Variants in STAMBP observed in about 807,000 individuals in gnomAD.
The protein encoded by STAMBP is STAM binding protein.
A neutral mutation model predicts 50.7 loss-of-function variants in STAMBP; 31 were observed. The ratio of observed to expected loss-of-function variants is 0.61; its 90% CI spans 0.46 to 0.83. STAMBP has a LOEUF of 0.83. Among genes scored for constraint, STAMBP ranks in the 40% least tolerant of loss-of-function variants. The probability of loss-of-function intolerance (pLI) is 0.00; values close to 1 mark genes in which losing one functional copy is unlikely to be tolerated. For synonymous variants in STAMBP, 211 were observed against 192.4 expected, an observed-to-expected ratio of 1.10 and a Z score of -0.80; for missense variants, 472 against 518.9, an observed-to-expected ratio of 0.91 and a Z score of 0.88.
chr2:73,862,424 CTG>C lies in STAMBP; in HGVS notation c.*166_*167del, dbSNP rs1678443163. On this transcript the variant is annotated 3_prime_UTR_variant, in exon 10 of 10. Transcript: ENST00000394070. ...GTATTTCAGGTTTGAAAAGAAATAA[CTG>C]AACATATTTTTTAGGCAAGTCAGAA... The C allele has an allele frequency of 4.0e-6, 2 of 496,294 alleles. No homozygotes were observed. Among genetic ancestry groups the C allele is most frequent in the Admixed American group, 4.0e-5 (1 of 24,822 alleles). 30.7% of individuals were successfully genotyped at this position (496,294 alleles called of 1,614,324 possible).
At chr2:73,843,734 T>G (rs369881760) in intron 2 of STAMBP, among the ~76,000 whole-genome samples, 117 of 152,368 alleles carry the variant, frequency 7.7e-4, no homozygotes, top group African/African-American at 2.6e-3. Context: ...AAGTTTGTTT[T>G]GGTGGGGATC....
chr2:73,859,711 ATAT>A lies in STAMBP; in HGVS notation c.1119-340_1119-338del, dbSNP rs1558594536. ...AAAATAAAAAATAAAAAATAAAAAA[ATAT>A]AATAAAAAAATAAAAATAAAAAATA... On this transcript the variant is annotated intron_variant, in intron 8 of 9. Transcript: ENST00000394070. Among the ~76,000 whole-genome samples the A allele has an allele frequency of 5.5e-3, 739 of 133,486 alleles. 5 individuals carry two copies. The highest frequency in any genetic ancestry group is 0.022 in the African/African-American group (693 of 31,320). 87.6% of individuals were successfully genotyped at this position (133,486 alleles called of 152,430 possible).
At chr2:73,869,459 T>C (rs1210624858), downstream of STAMBP, among the ~76,000 whole-genome samples, 1 of 152,232 alleles carries the variant, frequency 6.6e-6, no homozygotes, top group Non-Finnish European at 1.5e-5. Flanking sequence ...ACGTCTTCTT[T>C]AATCCAAAAA....
At chr2:73,839,027 C>G (rs1387734067) in intron 2 of STAMBP, among the ~76,000 whole-genome samples, 1 of 152,188 alleles carries the variant, frequency 6.6e-6, no homozygotes, top group Non-Finnish European at 1.5e-5. Flanking sequence ...GCAGTTACTA[C>G]AACCGAGGAG....
chr2:73,843,102 T>A (rs1015457576), intron 2 of STAMBP, among the ~76,000 whole-genome samples: 6 of 152,102 alleles, frequency 3.9e-5, no homozygotes, highest in African/African-American at 1.4e-4. Flanking sequence ...CTTATTTATC[T>A]TAATAGATTC....
intron 2 of STAMBP, among the ~76,000 whole-genome samples, chr2:73,840,451 T>C (rs908935742): frequency 1.3e-5 from 2 of 151,954 alleles, no homozygotes; most frequent in African/African-American, 4.8e-5. Context: ...TTAAAGGATA[T>C]ACACATTTTA....
chr2:73,848,988 C>G (rs541099311), intron 5 of STAMBP, among the ~76,000 whole-genome samples: 2 of 151,982 alleles, frequency 1.3e-5, no homozygotes, highest in Non-Finnish European at 2.9e-5. Context: ...ATGAAATAAG[C>G]ACATCATGGA....
chr2:73,859,270 C>G lies in STAMBP; in HGVS notation c.1022C>G (p.Thr341Ser). 6.2e-7 allele frequency: 1 copy of G among 1,613,754 alleles called. No individual in the cohort carries two copies. The highest frequency in any genetic ancestry group is 8.5e-7 in the Non-Finnish European group (1 of 1,179,882). The change falls in exon 8 of 10, where the codon ACC (threonine) becomes AGC (serine). Residue 341 changes from threonine (T) to serine (S), a missense_variant. Transcript: ENST00000394070. Reference sequence around the variant, plus strand: ...TCTCCTCAGACTCACCCCACACAGACCGCGTTTCTCTCCAGTGTCGACCTA... The same window carrying G: ...TCTCCTCAGACTCACCCCACACAGAGCGCGTTTCTCTCCAGTGTCGACCTA... ...LGWIHTHPTQTAFLSSVDLHT... is the reference protein window; with the variant it reads ...LGWIHTHPTQSAFLSSVDLHT...
intron 2 of STAMBP, among the ~76,000 whole-genome samples, chr2:73,840,688 G>C (rs1469098269): frequency 6.7e-6 from 1 of 150,356 alleles, no homozygotes; most frequent in Non-Finnish European, 1.5e-5. Flanking sequence ...AGGTTGCAGT[G>C]AGCCGAGACT....
Position 73,859,725 on chromosome 2 carries a change from T to TAAAAAAA in STAMBP, c.1119-322_1119-321insAAAAAAA, listed in dbSNP as rs3043575. Among the ~76,000 whole-genome samples, 951 of 149,850 alleles carry TAAAAAAA rather than the reference T, an allele frequency of 6.3e-3. 7 individuals carry two copies. Among genetic ancestry groups the TAAAAAAA allele is most frequent in the African/African-American group, 0.022 (893 of 40,786 alleles). ...AAAATAAAAAAATATAATAAAAAAA[T>TAAAAAAA]AAAAATAAAAAATAAGAAAGTTTCA... On this transcript the variant is annotated intron_variant, in intron 8 of 9. Transcript: ENST00000394070.
Position 73,859,266 on chromosome 2 carries a change from C to T in STAMBP, c.1018C>T (p.Gln340Ter). The T allele has an allele frequency of 6.2e-7, 1 of 1,613,774 alleles. No individual in the cohort carries two copies. The highest frequency in any genetic ancestry group is 2.2e-5 in the East Asian group (1 of 44,832). Reference sequence around the variant, plus strand: ...TTTCTCTCCTCAGACTCACCCCACACAGACCGCGTTTCTCTCCAGTGTCGA... The same window carrying T: ...TTTCTCTCCTCAGACTCACCCCACATAGACCGCGTTTCTCTCCAGTGTCGA... The part of the protein sequence containing the change: ...TLGWIHTHPT[Q>*]TAFLSSVDLH... The change falls in exon 8 of 10, where the codon CAG (glutamine) becomes TAG (stop). Residue 340 changes from glutamine (Q) to a stop codon, truncating the protein, a stop_gained. Coordinates refer to ENST00000394070, the MANE Select transcript of STAMBP (RefSeq NM_213622.4). LOFTEE classifies it high-confidence loss of function.
chr2:73,866,319 C>T lies in STAMBP; in HGVS notation c.*4060C>T, dbSNP rs1678883821. On this transcript the variant is annotated 3_prime_UTR_variant, in exon 10 of 10. Coordinates refer to ENST00000394070, the MANE Select transcript of STAMBP (RefSeq NM_213622.4). ...GTAGGTTCACTCTGAGGGCTTCCTTCCTTGAACTCCAGTGGCAACTATAGT... is the reference window on the plus strand; with the variant it reads ...GTAGGTTCACTCTGAGGGCTTCCTTTCTTGAACTCCAGTGGCAACTATAGT... 6.6e-6 allele frequency: 1 copy of T among 152,220 alleles called. No homozygotes were observed. The highest frequency in any genetic ancestry group is 1.5e-5 in the Non-Finnish European group (1 of 68,040). 9.4% of individuals were successfully genotyped at this position (152,220 alleles called of 1,614,324 possible).
intron 2 of STAMBP, among the ~76,000 whole-genome samples, chr2:73,841,605 G>C (rs1261611429): frequency 1.3e-5 from 2 of 152,146 alleles, no homozygotes; most frequent in African/African-American, 2.4e-5. Flanking sequence ...TCATTAGCTA[G>C]TTAGTGTTAG....
At chr2:73,861,686 ATT>A (rs954145238) in intron 9 of STAMBP, among the ~76,000 whole-genome samples, 40 of 126,612 alleles carry the variant, frequency 3.2e-4, no homozygotes, top group Non-Finnish European at 3.0e-4. Context: ...ACCGGGTTAA[ATT>A]TTTTTTTTTT....
At chr2:73,855,489 A>T (rs568611567) in intron 7 of STAMBP, 3 of 406,254 alleles carry the variant, frequency 7.4e-6, no homozygotes, top group East Asian at 7.1e-5. Flanking sequence ...GTCCCTGCTT[A>T]TGTCTCTTTA....
intron 7 of STAMBP, among the ~76,000 whole-genome samples, chr2:73,854,400 T>C (rs1221019710): frequency 1.3e-5 from 2 of 151,968 alleles, no homozygotes; most frequent in African/African-American, 4.8e-5. Context: ...AATAAAAGAG[T>C]TTTAAGTATC....
chr2:73,851,443 G>A (rs1167553472), intron 7 of STAMBP, among the ~76,000 whole-genome samples: 1 of 152,182 alleles, frequency 6.6e-6, no homozygotes, highest in Non-Finnish European at 1.5e-5. Context: ...GCCACAAGAG[G>A]TGCCAGCGAG....
intron 7 of STAMBP, among the ~76,000 whole-genome samples, chr2:73,852,568 G>A (rs554869154): frequency 1.3e-5 from 2 of 152,268 alleles, no homozygotes; most frequent in South Asian, 2.1e-4. Context: ...GCAACTTGGG[G>A]GACAGGCTAC....
At chr2:73,844,948 C>A in intron 3 of STAMBP, 60 bp downstream of exon 3, 1 of 1,584,394 alleles carries the variant, frequency 6.3e-7, no homozygotes, top group South Asian at 1.2e-5. Context: ...AGACTGACTT[C>A]AAGATAAAAG....
Sources: allele counts gnomAD v4.1 joint callset (sites outside exome capture counted in the v4.1 genomes callset), GRCh38; gene constraint gnomAD v4.1.1; transcripts MANE v1.5; gene names NCBI Gene and HGNC (gene_info 2026-07-23, HGNC 2026-07-21).